CDH4: variants seen among roughly 807,000 people sequenced by gnomAD.
The protein encoded by CDH4 is cadherin-4.
Under a neutral mutation model 86.0 loss-of-function variants are expected in CDH4, and 33 were observed. The observed-to-expected ratio is 0.38, with a 90% CI of 0.29 to 0.51. The LOEUF is 0.51. Among genes scored for constraint, CDH4 ranks in the 20% least tolerant of loss-of-function variants. CDH4 has a pLI of 0.86. For missense variants in CDH4, 1,114 were observed against 1,307.4 expected, an observed-to-expected ratio of 0.85 and a Z score of 2.28; for synonymous variants, 555 against 549.4, an observed-to-expected ratio of 1.01 and a Z score of -0.14.
Position 61,516,536 on chromosome 20 carries a change from AACT to A in CDH4, c.170-227024_170-227022del, listed in dbSNP as rs1286825132. ...AACGGCAGGTTCTCACCGCCCTGGA[AACT>A]ACATCTGCCTCAGACCTGCCCCCCT... On this transcript the variant is annotated intron_variant, in intron 2 of 15. Coordinates refer to ENST00000614565, the MANE Select transcript of CDH4 (RefSeq NM_001794.5). The surrounding 1 kb of genome is among the most constrained non-coding windows in gnomAD (Gnocchi z 4.0). 1.3e-5 allele frequency among the ~76,000 whole-genome samples: 2 copies of A among 152,166 alleles called. No homozygotes were observed. The highest frequency in any genetic ancestry group is 1.3e-4 in the Admixed American group (2 of 15,288).
At chr20:61,701,740 G>A (rs976938045) in intron 2 of CDH4, among the ~76,000 whole-genome samples, 13 of 152,268 alleles carry the variant, frequency 8.5e-5, no homozygotes, top group Non-Finnish European at 1.6e-4. Context: ...TTCGGCTCAC[G>A]CGGGGATCTC....
rs574838252 is a variant in CDH4, at chr20:61,896,145, A to G, written c.1188+1098A>G. Among the ~76,000 whole-genome samples, 238 of 152,322 alleles carry G rather than the reference A, an allele frequency of 1.6e-3. 1 individual carries two copies. The highest frequency in any genetic ancestry group is 1.7e-3 in the Non-Finnish European group (116 of 68,016). ...TCTGTGGAGGTGCCCCTCGGGCACCAGGGTGAGGCCAGGGTGCGGCCAGGG... is the reference window on the plus strand; with the variant it reads ...TCTGTGGAGGTGCCCCTCGGGCACCGGGGTGAGGCCAGGGTGCGGCCAGGG... On this transcript the variant is annotated intron_variant, in intron 8 of 15. Coordinates refer to ENST00000614565, the MANE Select transcript of CDH4 (RefSeq NM_001794.5).
intron 2 of CDH4, among the ~76,000 whole-genome samples, chr20:61,304,767 G>A (rs2084406824): frequency 6.8e-6 from 1 of 146,206 alleles, no homozygotes; most frequent in Non-Finnish European, 1.5e-5. Context: ...CATGTTGTGT[G>A]TGTGGGGTTG....
At chr20:61,890,408 G>A (rs1222131317) in intron 7 of CDH4, among the ~76,000 whole-genome samples, 1 of 151,636 alleles carries the variant, frequency 6.6e-6, no homozygotes, top group African/African-American at 2.4e-5. Flanking sequence ...GTGGATGGAT[G>A]GATGGATGAT....
intron 4 of CDH4, among the ~76,000 whole-genome samples, chr20:61,839,929 T>C (rs1466996343): frequency 6.7e-6 from 1 of 149,410 alleles, no homozygotes; most frequent in Non-Finnish European, 1.5e-5. Context: ...CATGTGTACA[T>C]GTCTGTATGT....
chr20:61,730,598 C>T (rs76330186), intron 2 of CDH4, among the ~76,000 whole-genome samples: 1,785 of 152,354 alleles, frequency 0.012, 14 homozygotes, highest in Non-Finnish European at 0.018. Flanking sequence ...GTGCCAGAGA[C>T]CCCGGTGAGG....
At chr20:61,362,325 C>T (rs944904591) in intron 2 of CDH4, among the ~76,000 whole-genome samples, 34 of 152,046 alleles carry the variant, frequency 2.2e-4, no homozygotes, top group African/African-American at 8.2e-4. Flanking sequence ...GGAGACGTGG[C>T]CTAGGACAGC....
chr20:61,821,013 C>T (rs908679455), intron 4 of CDH4, among the ~76,000 whole-genome samples: 2 of 151,920 alleles, frequency 1.3e-5, no homozygotes, highest in Admixed American at 6.6e-5. Context: ...CTAGGATTTG[C>T]GGGGCAGTTC....
intron 6 of CDH4, among the ~76,000 whole-genome samples, chr20:61,867,919 C>A (rs1004488291): frequency 6.6e-6 from 1 of 152,206 alleles, no homozygotes; most frequent in East Asian, 1.9e-4. Context: ...CATCTCAGAA[C>A]GTCCAGGCTC....
chr20:61,425,446 G>C (rs533348377), intron 2 of CDH4, among the ~76,000 whole-genome samples: 27 of 152,346 alleles, frequency 1.8e-4, no homozygotes, highest in African/African-American at 6.0e-4. Flanking sequence ...TGTCTGAAAG[G>C]GGGGCTGGGG....
intron 4 of CDH4, among the ~76,000 whole-genome samples, chr20:61,778,550 G>T (rs905421913): frequency 6.6e-6 from 1 of 152,202 alleles, no homozygotes; most frequent in East Asian, 1.9e-4. Flanking sequence ...TCTAATTGGC[G>T]GGGCTGTGGA....
At chr20:61,805,307 A>C (rs1206209723) in intron 4 of CDH4, among the ~76,000 whole-genome samples, 1 of 152,228 alleles carries the variant, frequency 6.6e-6, no homozygotes, top group Admixed American at 6.5e-5. Context: ...GAGAGTGGAC[A>C]GTGGACAGTG....
rs1555833430 is a variant in CDH4 at position 61,285,081 on chromosome 20, T to TTTGTTTG, written c.169+30146_169+30147insGTTTGTT. 2.1e-3 allele frequency among the ~76,000 whole-genome samples: 317 copies of TTTGTTTG among 149,456 alleles called. 5 individuals carry two copies. Among genetic ancestry groups the TTTGTTTG allele is most frequent in the African/African-American group, 6.7e-3 (267 of 39,758 alleles). On this transcript the variant is annotated intron_variant, in intron 2 of 15. Coordinates refer to ENST00000614565, the MANE Select transcript of CDH4 (RefSeq NM_001794.5). Reference sequence around the variant, plus strand: ...CAGCCCAGCCTTTCCTGTTTTTTTTTTTTGTTTGTTTGTTTGTTTGTTTGT... The same window carrying TTTGTTTG: ...CAGCCCAGCCTTTCCTGTTTTTTTTTTTGTTTGTTTGTTTGTTTGTTTGTTTGTTTGT...
chr20:61,728,148 C>T (rs888392078), intron 2 of CDH4, among the ~76,000 whole-genome samples: 1 of 137,892 alleles, frequency 7.3e-6, no homozygotes, highest in Non-Finnish European at 1.7e-5. Context: ...CTCTAAACCC[C>T]ATCAGCCATA....
intron 2 of CDH4, among the ~76,000 whole-genome samples, chr20:61,557,501 T>C (rs1352778745): frequency 6.6e-6 from 1 of 152,244 alleles, no homozygotes; most frequent in African/African-American, 2.4e-5. Context: ...TTTTATGCCC[T>C]CCAGGACCTT....
At chr20:61,486,753 G>A (rs746465554) in intron 2 of CDH4, among the ~76,000 whole-genome samples, 1 of 152,076 alleles carries the variant, frequency 6.6e-6, no homozygotes, top group African/African-American at 2.4e-5. Flanking sequence ...GCCAGTTATG[G>A]TAGTATGTGC....
chr20:61,823,560 G>A, intron 4 of CDH4, among the ~76,000 whole-genome samples: 1 of 152,188 alleles, frequency 6.6e-6, no homozygotes, highest in East Asian at 1.9e-4. Context: ...CTTTATAGAT[G>A]AGGAGACCAA....
chr20:61,870,655 T>C (rs1459222751), intron 6 of CDH4, among the ~76,000 whole-genome samples: 1 of 152,162 alleles, frequency 6.6e-6, no homozygotes, highest in Non-Finnish European at 1.5e-5. Flanking sequence ...GAACAGTGAG[T>C]GCTTCGGGAA....
intron 4 of CDH4, among the ~76,000 whole-genome samples, chr20:61,781,657 T>G (rs1012996219): frequency 6.6e-6 from 1 of 152,090 alleles, no homozygotes; most frequent in African/African-American, 2.4e-5. Context: ...ATCTGTGTGA[T>G]GGCAATAACA....
Sources: gnomAD v4.1 joint callset for allele counts (sites outside exome capture counted in the v4.1 genomes callset) on GRCh38, gnomAD v4.1.1 for gene constraint, Gnocchi (gnomAD v3.1) non-coding constraint, MANE v1.5 for transcripts, NCBI Gene and HGNC (gene_info 2026-07-23, HGNC 2026-07-21) for gene names.